Variants in DPP10 observed in about 807,000 individuals in gnomAD.
DPP10 encodes inactive dipeptidyl peptidase 10.
In DPP10, 33 loss-of-function variants were observed where a neutral mutation model predicts 120.9. The observed-to-expected ratio is 0.27, with a 90% CI of 0.21 to 0.37. DPP10 has a LOEUF of 0.37. Ranked by LOEUF, DPP10 falls within the 10% of genes least tolerant of loss-of-function variation. The probability of loss-of-function intolerance (pLI) is 1.00; values close to 1 mark genes in which losing one functional copy is unlikely to be tolerated. For missense variants in DPP10, 816 were observed against 942.8 expected (o/e 0.87, Z 1.76); for synonymous variants, 337 against 326.1 (o/e 1.03, Z -0.36).
chr2:115,242,303 C>A (rs1456537260), intron 1 of DPP10, among the ~76,000 whole-genome samples: 4 of 151,310 alleles, frequency 2.6e-5, no homozygotes, highest in Non-Finnish European at 5.9e-5. Context: ...AATCTCCAAT[C>A]CCATCCAGGT....
intron 1 of DPP10, among the ~76,000 whole-genome samples, chr2:114,487,367 C>T (rs906462734): frequency 2.6e-5 from 4 of 152,272 alleles, no homozygotes; most frequent in African/African-American, 9.6e-5. Flanking sequence ...CTGTCAGCTT[C>T]TGTGGTGGAT....
rs2062925436 is a variant in DPP10, at chr2:115,333,924, G to A, written c.176-9893G>A. Among the ~76,000 whole-genome samples the A allele has an allele frequency of 1.3e-5, 2 of 151,778 alleles. 1 individual carries two copies. The highest frequency in any genetic ancestry group is 4.2e-4 in the South Asian group (2 of 4,814). On this transcript the variant is annotated intron_variant, in intron 2 of 25. Coordinates refer to ENST00000410059, the MANE Select transcript of DPP10 (RefSeq NM_020868.6). ...GTCTTAGAGTTGCTCTTCTCAAGGT[G>A]AGAAGAGAAGTTTAGGGAAAAAAAG...
intron 13 of DPP10, among the ~76,000 whole-genome samples, chr2:115,772,019 C>A (rs1575735733): frequency 6.6e-6 from 1 of 150,774 alleles, no homozygotes; most frequent in African/African-American, 2.4e-5. Context: ...TCCTCATTTA[C>A]AAGAGCTGTC....
chr2:115,046,530 GT>G (rs1271476274), intron 1 of DPP10, among the ~76,000 whole-genome samples: 1 of 152,132 alleles, frequency 6.6e-6, no homozygotes, highest in African/African-American at 2.4e-5. Context: ...ACTCTGTGAA[GT>G]TGTCCCAAAT....
chr2:114,566,096 G>A (rs1011508586), intron 1 of DPP10, among the ~76,000 whole-genome samples: 4 of 152,182 alleles, frequency 2.6e-5, no homozygotes, highest in Non-Finnish European at 5.9e-5. Context: ...GAAAGCAGGC[G>A]AGGGAGACAC....
chr2:115,669,341 C>T (rs184887648), intron 5 of DPP10, among the ~76,000 whole-genome samples: 264 of 152,168 alleles, frequency 1.7e-3, no homozygotes, highest in African/African-American at 6.1e-3. Flanking sequence ...ATGAACTAGA[C>T]AGTCAGATTA....
intron 1 of DPP10, among the ~76,000 whole-genome samples, chr2:114,607,967 T>C (rs1465641059): frequency 6.6e-6 from 1 of 152,182 alleles, no homozygotes; most frequent in Non-Finnish European, 1.5e-5. Flanking sequence ...CTTTATGTAT[T>C]ATGACCCCCA....
intron 1 of DPP10, among the ~76,000 whole-genome samples, chr2:114,737,856 G>A (rs1677610566): frequency 6.6e-6 from 1 of 152,152 alleles, no homozygotes; most frequent in Non-Finnish European, 1.5e-5. Context: ...AATGGAATGA[G>A]GTATAATATG....
At chr2:114,462,180 A>G (rs1678977936) in intron 1 of DPP10, 1 of 983,644 alleles carries the variant, frequency 1.0e-6, no homozygotes. Flanking sequence ...AAAGTCTTAG[A>G]ATAGTTTGAT....
chr2:114,879,519 T>C (rs1190384694), intron 1 of DPP10, among the ~76,000 whole-genome samples: 1 of 152,188 alleles, frequency 6.6e-6, no homozygotes, highest in Non-Finnish European at 1.5e-5. Context: ...GTGCCTTTTC[T>C]TTCACTGCAA....
At chr2:114,830,050 G>A (rs1191304006) in intron 1 of DPP10, among the ~76,000 whole-genome samples, 1 of 152,060 alleles carries the variant, frequency 6.6e-6, no homozygotes, top group East Asian at 1.9e-4. Flanking sequence ...CTCCTGGGCT[G>A]ATGGCCGAAA....
intron 1 of DPP10, among the ~76,000 whole-genome samples, chr2:114,663,036 T>A (rs924494392): frequency 2.0e-5 from 3 of 151,958 alleles, no homozygotes; most frequent in Non-Finnish European, 2.9e-5. Context: ...TAAGGTACTG[T>A]TTTTCAAATA....
At chr2:115,532,240 G>A (rs374824425) in intron 5 of DPP10, among the ~76,000 whole-genome samples, 2 of 151,904 alleles carry the variant, frequency 1.3e-5, no homozygotes, top group South Asian at 2.1e-4. Context: ...CCAAAGTCCC[G>A]CTTCTTGGCT....
chr2:115,693,148 G>T (rs999277587), intron 7 of DPP10, among the ~76,000 whole-genome samples: 2 of 152,122 alleles, frequency 1.3e-5, no homozygotes, highest in Non-Finnish European at 2.9e-5. Flanking sequence ...TAGATATTTA[G>T]ATAAATTAAC....
intron 1 of DPP10, among the ~76,000 whole-genome samples, chr2:115,103,783 G>A (rs1279880815): frequency 6.6e-6 from 1 of 152,130 alleles, no homozygotes; most frequent in East Asian, 1.9e-4. Flanking sequence ...AAAATTCAAT[G>A]TATAACCATT....
intron 19 of DPP10, among the ~76,000 whole-genome samples, chr2:115,804,875 G>T (rs981074167): frequency 6.6e-6 from 1 of 152,206 alleles, no homozygotes; most frequent in African/African-American, 2.4e-5. Context: ...CTACTCGGGG[G>T]TCAGGGACCC....
Position 115,010,469 on chromosome 2 carries a change from CA to C in DPP10, c.61-298766del, listed in dbSNP as rs989629471. On this transcript the variant is annotated intron_variant, in intron 1 of 25. Coordinates refer to ENST00000410059, the MANE Select transcript of DPP10 (RefSeq NM_020868.6). Reference sequence around the variant, plus strand: ...TGTGACAATGCCCAGGTGTCAGTCACAAAATATTATCATTCTTTAGTATCTA... The same window carrying C: ...TGTGACAATGCCCAGGTGTCAGTCACAAATATTATCATTCTTTAGTATCTA... Among the ~76,000 whole-genome samples, 199 of 151,902 alleles carry C rather than the reference CA, an allele frequency of 1.3e-3. 5 individuals carry two copies. Among genetic ancestry groups the C allele is most frequent in the Admixed American group, 0.013 (197 of 15,256 alleles).
At chr2:115,085,515 C>T (rs1708618482) in intron 1 of DPP10, among the ~76,000 whole-genome samples, 1 of 152,128 alleles carries the variant, frequency 6.6e-6, no homozygotes, top group Non-Finnish European at 1.5e-5. Context: ...ATAGATATTA[C>T]ACTTAGAAAA....
At chr2:114,915,328 G>A (rs758799374) in intron 1 of DPP10, among the ~76,000 whole-genome samples, 4 of 152,054 alleles carry the variant, frequency 2.6e-5, no homozygotes, top group Non-Finnish European at 5.9e-5. Context: ...TAAATATTTG[G>A]GTACCCAGCT....
Sources: gnomAD v4.1 joint callset for allele counts (sites outside exome capture counted in the v4.1 genomes callset) on GRCh38, gnomAD v4.1.1 for gene constraint, MANE v1.5 for transcripts, NCBI Gene and HGNC (gene_info 2026-07-23, HGNC 2026-07-21) for gene names.